The following NF2 variants were observed in gnomAD, a reference collection of about 807,000 sequenced individuals.
NF2 encodes NF2, moesin-ezrin-radixin like (MERLIN) tumor suppressor.
In NF2, 8 loss-of-function variants were observed where a neutral mutation model predicts 83.7. That is an observed-to-expected ratio of 0.10 (90% CI 0.06 to 0.17). The LOEUF (loss-of-function observed/expected upper bound fraction) is 0.17. NF2 is among the 10% of genes least tolerant of loss of function. NF2 has a pLI of 1.00. For synonymous variants in NF2, 266 were observed against 269.6 expected (o/e 0.99, Z 0.13); for missense variants, 533 against 744.4 (o/e 0.72, Z 3.31).
Position 29,695,715 on chromosome 22 carries a change from C to T in NF2, c.*913C>T, listed in dbSNP as rs2067531367. 1.3e-5 allele frequency: 3 copies of T among 233,728 alleles called. No individual in the cohort carries two copies. In the South Asian group the frequency reaches 5.4e-4, roughly 42 times the overall value. 14.5% of individuals were successfully genotyped at this position (233,728 alleles called of 1,614,324 possible). A position where few individuals can be genotyped will look rare whatever the true frequency, so the allele number is the denominator to read the frequency against. On this transcript the variant is annotated 3_prime_UTR_variant, in exon 16 of 16. Coordinates refer to ENST00000338641, the MANE Select transcript of NF2 (RefSeq NM_000268.4). This position sits in a 1 kb window ranked among gnomAD's most constrained non-coding sequence, Gnocchi z 5.4. ...AAGCCCTGTGGCTCCACAGGTGCTGCTTCTCACTGGCCCAGACTCTGAGCT... is the reference window on the plus strand; with the variant it reads ...AAGCCCTGTGGCTCCACAGGTGCTGTTTCTCACTGGCCCAGACTCTGAGCT...
chr22:29,626,698 C>A (rs370155279), intron 1 of NF2, among the ~76,000 whole-genome samples: 7 of 152,202 alleles, frequency 4.6e-5, no homozygotes, highest in East Asian at 3.8e-4. Flanking sequence ...TACATACTAA[C>A]CACAATTTTT....
chr22:29,692,055 G>GT (rs1232453122), intron 15 of NF2, among the ~76,000 whole-genome samples: 2 of 152,222 alleles, frequency 1.3e-5, no homozygotes, highest in Non-Finnish European at 2.9e-5. Flanking sequence ...CACAATGAGG[G>GT]TAAAGGATGG....
At chr22:29,679,133 A>G (rs912363771) in intron 14 of NF2, among the ~76,000 whole-genome samples, 1 of 152,316 alleles carries the variant, frequency 6.6e-6, no homozygotes, top group Non-Finnish European at 1.5e-5. Flanking sequence ...TTCCCATTTT[A>G]TAAGTGAGAA....
chr22:29,650,457 T>C (rs2146947073), intron 4 of NF2, among the ~76,000 whole-genome samples: 1 of 152,364 alleles, frequency 6.6e-6, no homozygotes, highest in East Asian at 1.9e-4. Flanking sequence ...TGTCCATTTG[T>C]ATTTCTTTGT....
chr22:29,660,347 T>C (rs60286359), intron 7 of NF2, among the ~76,000 whole-genome samples: 6,050 of 152,302 alleles, frequency 0.04, 408 homozygotes, highest in African/African-American at 0.14. Context: ...ATGCAATTAT[T>C]AAAAATTTCA....
intron 9 of NF2, 144 bp downstream of exon 9, chr22:29,665,208 A>T (rs1184137498): frequency 2.8e-6 from 2 of 710,954 alleles, no homozygotes; most frequent in African/African-American, 3.6e-5. Flanking sequence ...TAGCTTAAAG[A>T]GTTAAAACTA....
rs1326261314 is a variant in NF2, at chr22:29,694,497, G to A, written c.1738-255G>A. 2.0e-5 allele frequency among the ~76,000 whole-genome samples: 3 copies of A among 152,208 alleles called. No individual in the cohort carries two copies. Among genetic ancestry groups the A allele is most frequent in the South Asian group, 2.1e-4 (1 of 4,828 alleles). ...TCCTCTGTCAAGAGGCAATGCTGAC[G>A]GCTTTTTCCTGCTGGCGTGCCTCTG... On this transcript the variant is annotated intron_variant, in intron 15 of 15. Transcript: ENST00000338641. This position sits in a 1 kb window ranked among gnomAD's most constrained non-coding sequence, Gnocchi z 4.1.
chr22:29,628,625 ATC>A (rs2065430252), intron 1 of NF2, among the ~76,000 whole-genome samples: 1 of 126,774 alleles, frequency 7.9e-6, no homozygotes, highest in African/African-American at 3.0e-5. Context: ...AGTTTGTGAC[ATC>A]TTTTTTTTTT....
intron 4 of NF2, among the ~76,000 whole-genome samples, chr22:29,652,740 A>G (rs1477689967): frequency 2.0e-5 from 3 of 152,166 alleles, no homozygotes; most frequent in African/African-American, 7.2e-5. Context: ...CATAGCTACT[A>G]TGTGAAAGAT....
intron 7 of NF2, among the ~76,000 whole-genome samples, chr22:29,660,286 T>TTAGACAACTTTGTTGATGAA (rs1373008828): frequency 2.0e-5 from 3 of 152,214 alleles, no homozygotes; most frequent in African/African-American, 7.2e-5. Flanking sequence ...AGTACGGCTT[T>TTAGACAACTTTGTTGATGAA]TAGACAACTT....
At chr22:29,665,755 G>GAA (rs555450815) in intron 9 of NF2, among the ~76,000 whole-genome samples, 1 of 104,944 alleles carries the variant, frequency 9.5e-6, no homozygotes, top group Non-Finnish European at 2.0e-5. Context: ...ACAAGGTCAG[G>GAA]AAAAAAAAAA....
intron 4 of NF2, among the ~76,000 whole-genome samples, chr22:29,653,672 C>A (rs2066219009): frequency 6.6e-6 from 1 of 152,164 alleles, no homozygotes; most frequent in Admixed American, 6.5e-5. Context: ...TTGGAGAACA[C>A]ACCAGAAGTC....
At chr22:29,653,203 T>A (rs1201293028) in intron 4 of NF2, among the ~76,000 whole-genome samples, 1 of 152,136 alleles carries the variant, frequency 6.6e-6, no homozygotes, top group Non-Finnish European at 1.5e-5. Flanking sequence ...CTCAGCACTT[T>A]GGGAGGCTGA....
intron 11 of NF2, among the ~76,000 whole-genome samples, chr22:29,672,166 G>A (rs2066813861): frequency 2.0e-5 from 3 of 152,172 alleles, no homozygotes; most frequent in Admixed American, 6.5e-5. Context: ...CCACGAGGTT[G>A]CCTTTATAGC....
At position 29,636,106 on chromosome 22, in the gene NF2, G is replaced by A. The variant is rs1046498603; in HGVS notation, c.115-645G>A. On this transcript the variant is annotated intron_variant, in intron 1 of 15. Coordinates refer to ENST00000338641, the MANE Select transcript of NF2 (RefSeq NM_000268.4). The surrounding 1 kb of genome is among the most constrained non-coding windows in gnomAD (Gnocchi z 4.4). ...CACTACAGTATATTGATATCTATTC[G>A]TCACCTGGGTTTAGATACCAGGAGT... Among the ~76,000 whole-genome samples, 5 of 152,042 alleles carry A rather than the reference G, an allele frequency of 3.3e-5. No homozygotes were observed. The highest frequency in any genetic ancestry group is 5.9e-5 in the Non-Finnish European group (4 of 68,010).
At position 29,695,791 on chromosome 22, in the gene NF2, C is replaced by T. The variant is rs1044966716; in HGVS notation, c.*989C>T. On this transcript the variant is annotated 3_prime_UTR_variant, in exon 16 of 16. Transcript: ENST00000338641. This position sits in a 1 kb window ranked among gnomAD's most constrained non-coding sequence, Gnocchi z 5.4. ...TCTGCTTCACCTTCCCTCCCAGCCA[C>T]GTGCCAGTGGCCACAGCCCACTTCC... 3 of 233,814 alleles carry T rather than the reference C, an allele frequency of 1.3e-5. No homozygotes were observed. Among genetic ancestry groups the T allele is most frequent in the African/African-American group, 6.6e-5 (3 of 45,356 alleles). 14.5% of individuals were successfully genotyped at this position (233,814 alleles called of 1,614,324 possible). A position where few individuals can be genotyped will look rare whatever the true frequency, so the allele number is the denominator to read the frequency against.
rs2147083382 is a variant in NF2, at chr22:29,673,414, A to G, written c.1268A>G (p.Lys423Arg). The change falls in exon 12 of 16, where the codon AAG (lysine) becomes AGG (arginine). Residue 423 changes from lysine to arginine, a missense_variant. Coordinates refer to ENST00000338641, the MANE Select transcript of NF2 (RefSeq NM_000268.4). ...KATAIRTEEE[K>R]RLMEQKVLEA... ...ACAGCGATTCGCACGGAGGAGGAGAAGCGCCTGATGGAGCAGAAGGTGCTG... is the reference window on the plus strand; with the variant it reads ...ACAGCGATTCGCACGGAGGAGGAGAGGCGCCTGATGGAGCAGAAGGTGCTG... The G allele has an allele frequency of 6.2e-7, 1 of 1,612,760 alleles. No individual in the cohort carries two copies. The highest frequency in any genetic ancestry group is 8.5e-7 in the Non-Finnish European group (1 of 1,179,662).
rs945192133 is a variant in NF2 at position 29,698,473 on chromosome 22, G to A, written c.*3671G>A. On this transcript the variant is annotated 3_prime_UTR_variant, in exon 16 of 16. Coordinates refer to ENST00000338641, the MANE Select transcript of NF2 (RefSeq NM_000268.4). ...CCATCCATTTTCAAAGATGTCAAAC[G>A]TCACTTCTTCCTGTAGGGCCCGAGT... is the stretch of plus-strand genomic sequence containing the variant. 4 of 213,302 alleles carry A rather than the reference G, an allele frequency of 1.9e-5. No homozygotes were observed. The highest frequency in any genetic ancestry group is 1.4e-4 in the East Asian group (2 of 14,486). 13.2% of individuals were successfully genotyped at this position (213,302 alleles called of 1,614,324 possible).
At chr22:29,621,826 T>A (rs1281940140) in intron 1 of NF2, among the ~76,000 whole-genome samples, 1 of 152,188 alleles carries the variant, frequency 6.6e-6, no homozygotes, top group African/African-American at 2.4e-5. Flanking sequence ...TGCCACATCT[T>A]TGCATAGGCT....
Sources: allele counts gnomAD v4.1 joint callset (sites outside exome capture counted in the v4.1 genomes callset), GRCh38; gene constraint gnomAD v4.1.1; non-coding constraint Gnocchi (gnomAD v3.1); transcripts MANE v1.5; gene names NCBI Gene and HGNC (gene_info 2026-07-23, HGNC 2026-07-21).